DUS2: variants seen among roughly 807,000 people sequenced by gnomAD.
The protein encoded by DUS2 is dihydrouridine synthase 2.
A neutral mutation model predicts 71.3 loss-of-function variants in DUS2; 52 were observed. That is an observed-to-expected ratio of 0.73 (90% CI 0.58 to 0.92). DUS2 has a LOEUF of 0.92. Among genes scored for constraint, DUS2 ranks in the 40% least tolerant of loss-of-function variants. The pLI, the probability that DUS2 is intolerant of heterozygous loss-of-function variation, is 0.00. For synonymous variants in DUS2, 204 were observed against 227.8 expected (o/e 0.90, Z 0.94); for missense variants, 558 against 622.6 (o/e 0.90, Z 1.10).
intron 2 of DUS2, 71 bp from the exon 3 acceptor site, chr16:68,037,935 G>GC (rs1430091795): frequency 6.8e-7 from 1 of 1,477,800 alleles, no homozygotes; most frequent in Non-Finnish European, 9.2e-7. Context: ...AAGAAGGGAA[G>GC]CCTGCTCTTG....
At chr16:68,051,310 G>T (rs1465814510) in intron 4 of DUS2, among the ~76,000 whole-genome samples, 2 of 152,164 alleles carry the variant, frequency 1.3e-5, no homozygotes, top group African/African-American at 4.8e-5. Flanking sequence ...GTAAACAAAG[G>T]GTTAGGTTTG....
At position 68,054,577 on chromosome 16, in the gene DUS2, ACTT is replaced by A; in HGVS notation, c.270_272del (p.Ser91del). 6.2e-7 allele frequency: 1 copy of A among 1,613,904 alleles called. No homozygotes were observed. The highest frequency in any genetic ancestry group is 8.5e-7 in the Non-Finnish European group (1 of 1,179,974). ...ATGCAGCCTCTTGTGTTCCCAGGGGACTTCAGACGCAGAGCGAGCCCTTGCTGT... is the reference window on the plus strand; with the variant it reads ...ATGCAGCCTCTTGTGTTCCCAGGGGACAGACGCAGAGCGAGCCCTTGCTGT... On this transcript the variant is annotated inframe_deletion, in exon 6 of 17. Coordinates refer to ENST00000565263, the MANE Select transcript of DUS2 (RefSeq NM_017803.5).
chr16:68,063,228 A>C (rs913121559), intron 8 of DUS2, among the ~76,000 whole-genome samples: 3 of 152,196 alleles, frequency 2.0e-5, no homozygotes, highest in African/African-American at 7.2e-5. Context: ...GCCCCATGGT[A>C]GGGAGGTTGC....
intron 13 of DUS2, among the ~76,000 whole-genome samples, 178 bp downstream of exon 13, chr16:68,074,333 G>A (rs886408938): frequency 6.6e-6 from 1 of 152,170 alleles, no homozygotes; most frequent in Non-Finnish European, 1.5e-5. Flanking sequence ...GCTTTGAAAC[G>A]TCCCATCCCT....
At chr16:68,047,544 C>A (rs921134234) in intron 3 of DUS2, among the ~76,000 whole-genome samples, 1 of 149,612 alleles carries the variant, frequency 6.7e-6, no homozygotes, top group Non-Finnish European at 1.5e-5. Flanking sequence ...AGTGCAATGG[C>A]GCAATCTCGG....
chr16:68,034,609 A>G (rs1180677672), intron 2 of DUS2, among the ~76,000 whole-genome samples: 1 of 152,098 alleles, frequency 6.6e-6, no homozygotes, highest in East Asian at 1.9e-4. Context: ...CAAGCAATCC[A>G]TCTGTCTCAT....
At position 68,038,073 on chromosome 16, in the gene DUS2, C is replaced by T. The variant is rs1375980135; in HGVS notation, c.50C>T (p.Ala17Val). 2 of 1,613,882 alleles carry T rather than the reference C, an allele frequency of 1.2e-6. No individual in the cohort carries two copies. Among genetic ancestry groups the T allele is most frequent in the Admixed American group, 1.7e-5 (1 of 59,982 alleles). The change falls in exon 3 of 17, where the codon GCC becomes GTC. Residue 17 changes from alanine to valine, a missense_variant. Ala to Val is a moderately conservative substitution (Grantham distance 64, BLOSUM62 0). Coordinates refer to ENST00000565263, the MANE Select transcript of DUS2 (RefSeq NM_017803.5). ...TGTTACCATAATAAGCTAATCCTGG[C>T]CCCAATGGTTCGGGTAGGGACTCTT... ...SLCYHNKLIL[A>V]PMVRVGTLPM...
At chr16:68,027,292 G>A (rs938776587) in intron 2 of DUS2, among the ~76,000 whole-genome samples, 1 of 150,900 alleles carries the variant, frequency 6.6e-6, no homozygotes, top group Non-Finnish European at 1.5e-5. Context: ...AGGCTAGAGT[G>A]CAGTGGCATG....
chr16:68,031,730 T>C (rs1567468663), intron 2 of DUS2, among the ~76,000 whole-genome samples: 1 of 152,156 alleles, frequency 6.6e-6, no homozygotes, highest in Non-Finnish European at 1.5e-5. Context: ...AATCTCACTC[T>C]GTTGCCCAGG....
At chr16:68,066,686 A>G in intron 10 of DUS2, 50 bp downstream of exon 10, 1 of 1,572,010 alleles carries the variant, frequency 6.4e-7, no homozygotes, top group Admixed American at 1.7e-5. Flanking sequence ...AACCCATCTT[A>G]GTGATCCTTC....
intron 8 of DUS2, among the ~76,000 whole-genome samples, chr16:68,065,267 A>G (rs978117488): frequency 2.6e-5 from 4 of 152,074 alleles, no homozygotes; most frequent in Non-Finnish European, 5.9e-5. Context: ...TGCCCTAAAG[A>G]GGAATGCAGG....
At chr16:68,046,443 A>G (rs920170050) in intron 3 of DUS2, among the ~76,000 whole-genome samples, 9 of 151,464 alleles carry the variant, frequency 5.9e-5, no homozygotes, top group Non-Finnish European at 1.3e-4. Context: ...CAGTGGCACG[A>G]TCTCAGCTCA....
rs2033560879 is a variant in DUS2, at chr16:68,038,088, T to C, written c.65T>C (p.Val22Ala). The C allele has an allele frequency of 1.2e-6, 2 of 1,613,874 alleles. No individual in the cohort carries two copies. The highest frequency in any genetic ancestry group is 1.7e-6 in the Non-Finnish European group (2 of 1,179,962). The change falls in exon 3 of 17, where the codon GTA becomes GCA. Residue 22 changes from valine (V) to alanine (A), a missense_variant. Transcript: ENST00000565263. The stretch of plus-strand genomic sequence containing the variant: ...CTAATCCTGGCCCCAATGGTTCGGG[T>C]AGGGACTCTTCCAATGAGGCTGCTG... Reference protein sequence around the residue: ...NKLILAPMVRVGTLPMRLLAL... With the variant: ...NKLILAPMVRAGTLPMRLLAL...
chr16:68,040,387 G>T (rs1179548156), intron 3 of DUS2, among the ~76,000 whole-genome samples: 2 of 152,002 alleles, frequency 1.3e-5, no homozygotes, highest in Non-Finnish European at 2.9e-5. Flanking sequence ...CCGGCCTTAG[G>T]ATTGTTTTCA....
chr16:68,054,418 C>T (rs949165463), intron 5 of DUS2, among the ~76,000 whole-genome samples, 156 bp from the exon 6 acceptor site: 10 of 152,152 alleles, frequency 6.6e-5, no homozygotes, highest in Non-Finnish European at 1.0e-4. Flanking sequence ...TGGCAGTGAG[C>T]TAGTCTAGTG....
intron 2 of DUS2, among the ~76,000 whole-genome samples, chr16:68,036,199 C>T (rs1034638813): frequency 3.4e-4 from 49 of 143,330 alleles, no homozygotes; most frequent in African/African-American, 9.9e-4. Context: ...CTTGCTCTGT[C>T]GCCCAGGCTG....
At chr16:68,045,474 G>T (rs1170055675) in intron 3 of DUS2, among the ~76,000 whole-genome samples, 1 of 151,674 alleles carries the variant, frequency 6.6e-6, no homozygotes, top group Non-Finnish European at 1.5e-5. Context: ...AGCTGGGCAT[G>T]GTGGTGGACG....
intron 3 of DUS2, among the ~76,000 whole-genome samples, chr16:68,041,939 T>A (rs1820597311): frequency 6.6e-6 from 1 of 152,152 alleles, no homozygotes; most frequent in South Asian, 2.1e-4. Context: ...TTATGTATAT[T>A]GACATTGTTG....
intron 15 of DUS2, among the ~76,000 whole-genome samples, chr16:68,077,115 A>G (rs1447582281): frequency 2.0e-5 from 3 of 151,868 alleles, no homozygotes; most frequent in East Asian, 3.9e-4. Flanking sequence ...TTAGCTGGAC[A>G]TGGTGGTGGG....
Sources: gnomAD v4.1 joint callset for allele counts (sites outside exome capture counted in the v4.1 genomes callset) on GRCh38, gnomAD v4.1.1 for gene constraint, MANE v1.5 for transcripts, NCBI Gene and HGNC (gene_info 2026-07-23, HGNC 2026-07-21) for gene names.